ZNF713: variants seen among roughly 807,000 people sequenced by gnomAD.
The protein encoded by ZNF713 is zinc finger protein 713.
A neutral mutation model predicts 28.7 loss-of-function variants in ZNF713; 21 were observed. The ratio of observed to expected loss-of-function variants is 0.73; its 90% CI spans 0.52 to 1.05. ZNF713 has a LOEUF of 1.05. Ranked by LOEUF, ZNF713 falls within the 50% of genes least tolerant of loss-of-function variation. The pLI is 0.00. For synonymous variants in ZNF713, 167 were observed against 178.0 expected, an observed-to-expected ratio of 0.94 and a Z score of 0.49; for missense variants, 458 against 532.4, an observed-to-expected ratio of 0.86 and a Z score of 1.37.
intron 2 of ZNF713, among the ~76,000 whole-genome samples, chr7:55,910,024 T>C (rs764609792): frequency 2.6e-5 from 4 of 151,768 alleles, no homozygotes; most frequent in Non-Finnish European, 5.9e-5. Context: ...TGTGTGTATA[T>C]ATATATATGT....
chr7:55,904,044 G>C (rs1026029508), intron 1 of ZNF713, among the ~76,000 whole-genome samples: 6 of 151,218 alleles, frequency 4.0e-5, no homozygotes, highest in Non-Finnish European at 7.4e-5. Flanking sequence ...GAAAACCTAA[G>C]AAGCAGCAAC....
chr7:55,925,536 G>A (rs1037252243), intron 6 of ZNF713, among the ~76,000 whole-genome samples: 1 of 152,006 alleles, frequency 6.6e-6, no homozygotes, highest in Admixed American at 6.6e-5. Context: ...CAAGATAATC[G>A]CTTGAACCTG....
At chr7:55,899,167 T>TA (rs1785525106) in intron 1 of ZNF713, among the ~76,000 whole-genome samples, 2 of 148,814 alleles carry the variant, frequency 1.3e-5, no homozygotes, top group South Asian at 4.3e-4. Context: ...TCCTGGCTAA[T>TA]ACGGTGAAAC....
chr7:55,923,509 C>A (rs1786034500), intron 5 of ZNF713, 98 bp from the exon 6 acceptor site: 1 of 1,169,042 alleles, frequency 8.6e-7, no homozygotes, highest in South Asian at 1.4e-5. Context: ...TCTGAAGTCT[C>A]CCCTCCAGAG....
intron 4 of ZNF713, among the ~76,000 whole-genome samples, chr7:55,915,732 T>C (rs1055129714): frequency 6.6e-6 from 1 of 152,172 alleles, no homozygotes; most frequent in Non-Finnish European, 1.5e-5. Flanking sequence ...AGAGAATGAC[T>C]TGAAGTGAGC....
chr7:55,910,432 C>T (rs1785765243), intron 2 of ZNF713, among the ~76,000 whole-genome samples: 1 of 152,038 alleles, frequency 6.6e-6, no homozygotes. Context: ...GTGGGTTTGT[C>T]ATATATGGCT....
intron 6 of ZNF713, among the ~76,000 whole-genome samples, chr7:55,926,153 TA>T (rs1786090855): frequency 6.6e-6 from 1 of 151,904 alleles, no homozygotes; most frequent in South Asian, 2.1e-4. Context: ...CTACTAAAAA[TA>T]CAAAAATTAG....
In ZNF713 at chr7:55,939,372, C is replaced by T; in HGVS notation, c.698C>T (p.Thr233Ile). Residue 233 changes from threonine to isoleucine, a missense_variant, in exon 7 of 7, where the codon ACT becomes ATT. Transcript: ENST00000429591. ...IYYQGNYVRE[T>I]PYEYSECGKI... ...TATCAGGGAAATTATGTAAGAGAGA[C>T]TCCCTATGAATATAGTGAGTGTGGA... 3.1e-6 allele frequency: 5 copies of T among 1,613,888 alleles called. No individual in the cohort carries two copies. The highest frequency in any genetic ancestry group is 4.2e-6 in the Non-Finnish European group (5 of 1,179,996).
At chr7:55,919,928 A>G (rs182364000) in intron 4 of ZNF713, among the ~76,000 whole-genome samples, 376 of 152,102 alleles carry the variant, frequency 2.5e-3, no homozygotes, top group Non-Finnish European at 4.2e-3. Context: ...AGTTTGTTAC[A>G]AGGGTATACA....
At chr7:55,934,948 G>A (rs1786315069) in intron 6 of ZNF713, among the ~76,000 whole-genome samples, 1 of 150,584 alleles carries the variant, frequency 6.6e-6, no homozygotes, top group African/African-American at 2.5e-5. Flanking sequence ...GAGTGCAGTG[G>A]CACGATCTTG....
chr7:55,930,064 A>G (rs1056580667), intron 6 of ZNF713, among the ~76,000 whole-genome samples: 4 of 151,884 alleles, frequency 2.6e-5, no homozygotes, highest in African/African-American at 9.7e-5. Context: ...TAATATGAAC[A>G]GTTCTTTTTT....
At chr7:55,895,154 G>C (rs889578854) in intron 1 of ZNF713, among the ~76,000 whole-genome samples, 1 of 152,180 alleles carries the variant, frequency 6.6e-6, no homozygotes, top group Non-Finnish European at 1.5e-5. Flanking sequence ...AAGTCAAGGA[G>C]ATAAGTTAGA....
chr7:55,927,829 G>A (rs866017794), intron 6 of ZNF713, among the ~76,000 whole-genome samples: 1 of 138,584 alleles, frequency 7.2e-6, no homozygotes, highest in African/African-American at 2.8e-5. Flanking sequence ...CCCCGGAGAC[G>A]GAGGTTGCAG....
In ZNF713 at chr7:55,912,863, G is replaced by A. The variant is rs1242346703; in HGVS notation, c.87+140G>A. ...TGTGACAGATGATATACTCTCCACA[G>A]CATGTTTTCCATTCACCTATGTAGC... On this transcript the variant is annotated intron_variant, in intron 4 of 6. Coordinates refer to ENST00000429591, the MANE Select transcript of ZNF713 (RefSeq NM_182633.3). 6 of 650,616 alleles carry A rather than the reference G, an allele frequency of 9.2e-6. No individual in the cohort carries two copies. In the Admixed American group the frequency reaches 1.6e-4, roughly 18 times the overall value. 40.3% of individuals were successfully genotyped at this position (650,616 alleles called of 1,614,324 possible).
intron 6 of ZNF713, among the ~76,000 whole-genome samples, chr7:55,926,400 G>A (rs145074892): frequency 8.8e-4 from 134 of 152,272 alleles, no homozygotes; most frequent in African/African-American, 2.8e-3. Context: ...TTGAGCAAGT[G>A]GTTTTTTTCA....
At chr7:55,900,559 C>A (rs1785557252) in intron 1 of ZNF713, among the ~76,000 whole-genome samples, 1 of 151,980 alleles carries the variant, frequency 6.6e-6, no homozygotes, top group Admixed American at 6.6e-5. Context: ...CATAGATGAA[C>A]CTGGAGGACA....
chr7:55,937,350 G>A (rs1786373799), intron 6 of ZNF713, among the ~76,000 whole-genome samples: 1 of 152,034 alleles, frequency 6.6e-6, no homozygotes, highest in African/African-American at 2.4e-5. Flanking sequence ...CAGTGAGTGA[G>A]TGAGGGCAGG....
intron 1 of ZNF713, among the ~76,000 whole-genome samples, chr7:55,899,743 T>TTTTG (rs572584562): frequency 6.6e-6 from 1 of 152,084 alleles, no homozygotes; most frequent in South Asian, 2.1e-4. Flanking sequence ...TATATTCTTT[T>TTTTG]TTTGTTTGTT....
chr7:55,935,954 C>CAAAAAAA (rs1786336695), intron 6 of ZNF713, among the ~76,000 whole-genome samples: 1 of 150,396 alleles, frequency 6.6e-6, no homozygotes, highest in African/African-American at 2.4e-5. Context: ...GACTCTGTCT[C>CAAAAAAA]AAGAAAAAAA....
Sources: gnomAD v4.1 joint callset for allele counts (sites outside exome capture counted in the v4.1 genomes callset) on GRCh38, gnomAD v4.1.1 for gene constraint, MANE v1.5 for transcripts, NCBI Gene and HGNC (gene_info 2026-07-23, HGNC 2026-07-21) for gene names.